RNF145: variants seen among roughly 807,000 people sequenced by gnomAD.
RNF145 encodes ring finger protein 145.
A neutral mutation model predicts 57.3 loss-of-function variants in RNF145; 12 were observed. That is an observed-to-expected ratio of 0.21 (90% CI 0.13 to 0.34). The LOEUF (loss-of-function observed/expected upper bound fraction) is 0.34. Among genes scored for constraint, RNF145 ranks in the 10% least tolerant of loss-of-function variants. RNF145 has a pLI of 1.00. For synonymous variants in RNF145, 262 were observed against 288.3 expected (o/e 0.91, Z 0.92); for missense variants, 429 against 799.0 (o/e 0.54, Z 5.58).
In RNF145 at chr5:159,203,649, G is replaced by A. The variant is rs201276282; in HGVS notation, c.-32C>T. 7.7e-5 allele frequency: 122 copies of A among 1,578,628 alleles called. No homozygotes were observed. The East Asian group carries it at 2.6e-3, about 34-fold the overall frequency. On this transcript the variant is annotated 5_prime_UTR_variant, in exon 2 of 11. Coordinates refer to ENST00000424310, the MANE Select transcript of RNF145 (RefSeq NM_001199383.2). ...TTTTTTTTTCTTTTTTTTTTTCTTGGAGAAGACCTAAAATTCAGAAGACAC... is the reference window on the plus strand; with the variant it reads ...TTTTTTTTTCTTTTTTTTTTTCTTGAAGAAGACCTAAAATTCAGAAGACAC...
intron 3 of RNF145, among the ~76,000 whole-genome samples, chr5:159,186,107 C>T (rs1316073873): frequency 6.6e-6 from 1 of 152,102 alleles, no homozygotes; most frequent in African/African-American, 2.4e-5. Flanking sequence ...TGCCTATAGT[C>T]CCGGCTACTT....
chr5:159,190,206 T>C (rs1355732541), intron 3 of RNF145, among the ~76,000 whole-genome samples: 1 of 152,090 alleles, frequency 6.6e-6, no homozygotes, highest in African/African-American at 2.4e-5. Context: ...CACACCCAGT[T>C]AATTTTTTGT....
chr5:159,157,550 G>A lies in RNF145; in HGVS notation c.*1120C>T, dbSNP rs1432756550. 1 of 152,670 alleles carries A rather than the reference G, an allele frequency of 6.6e-6. No individual in the cohort carries two copies. Among genetic ancestry groups the A allele is most frequent in the Non-Finnish European group, 1.5e-5 (1 of 68,018 alleles). The allele number at this position is 152,670 out of a possible 1,614,324, so 9.5% of individuals were successfully genotyped here. ...AAACACTTTTTGAGCCAAGCCTATT[G>A]TATAAATAAATGACTAGTTTCTTTT... On this transcript the variant is annotated 3_prime_UTR_variant, in exon 11 of 11. Transcript: ENST00000424310.
At chr5:159,170,681 A>G (rs1265489244) in intron 6 of RNF145, among the ~76,000 whole-genome samples, 2 of 152,142 alleles carry the variant, frequency 1.3e-5, no homozygotes, top group African/African-American at 2.4e-5. Context: ...TGCAGCCTTG[A>G]ACTTCAGGGC....
chr5:159,169,255 CAT>C (rs1460727211), intron 7 of RNF145, among the ~76,000 whole-genome samples, 200 bp from the exon 8 acceptor site: 1 of 152,116 alleles, frequency 6.6e-6, no homozygotes, highest in Non-Finnish European at 1.5e-5. Context: ...TGTGCAAAGG[CAT>C]AATAGCTATT....
Position 159,174,093 on chromosome 5 carries a change from A to T in RNF145, c.687T>A (p.Val229=). Residue 229 remains valine (V), a synonymous_variant, in exon 6 of 11, where the codon GTT becomes GTA. Transcript: ENST00000424310. The part of the protein sequence containing the change: ...MSLWNQLVVP[V]LFMVFWLVLF... ...AGACGAGCCAGAAAACCATGAAAAGAACAGGGACTACCAGTTGATTCCACA... is the reference window on the plus strand; with the variant it reads ...AGACGAGCCAGAAAACCATGAAAAGTACAGGGACTACCAGTTGATTCCACA... 1 of 1,613,804 alleles carries T rather than the reference A, an allele frequency of 6.2e-7. No homozygotes were observed. The highest frequency in any genetic ancestry group is 1.1e-5 in the South Asian group (1 of 91,058).
At chr5:159,207,760 C>A in intron 1 of RNF145, 1 of 1,614,186 alleles carries the variant, frequency 6.2e-7, no homozygotes. Context: ...TGTACCTGAT[C>A]TCCACATAAA....
intron 3 of RNF145, among the ~76,000 whole-genome samples, chr5:159,193,857 A>G (rs1462464517): frequency 6.6e-6 from 1 of 152,230 alleles, no homozygotes; most frequent in East Asian, 1.9e-4. Flanking sequence ...CTCCTCTTAG[A>G]ATTGGGAATA....
At chr5:159,183,465 T>C (rs1029329159) in intron 3 of RNF145, among the ~76,000 whole-genome samples, 15 of 152,256 alleles carry the variant, frequency 9.9e-5, no homozygotes, top group South Asian at 2.1e-4. Flanking sequence ...CTGTGCAATA[T>C]TGAGTAACCC....
intron 3 of RNF145, among the ~76,000 whole-genome samples, chr5:159,190,942 A>G (rs1312920511): frequency 5.9e-5 from 9 of 152,138 alleles, no homozygotes; most frequent in Non-Finnish European, 1.2e-4. Context: ...CTTGAAATTC[A>G]TTCATTTTAT....
Position 159,174,030 on chromosome 5 carries a change from T to C in RNF145, c.750A>G (p.Arg250=). The C allele has an allele frequency of 6.2e-7, 1 of 1,613,556 alleles. No individual in the cohort carries two copies. Among genetic ancestry groups the C allele is most frequent in the Non-Finnish European group, 8.5e-7 (1 of 1,179,678 alleles). ...GCCTCTCACGTGATGCAGGCTGATC[T>C]CGAGTACTGAAATAGGAGTAAATCT... ...ALQIYSYFST[R]DQPASRERLL... The change falls in exon 6 of 11, where the codon CGA becomes CGG. Residue 250 remains arginine, a synonymous_variant. Coordinates refer to ENST00000424310, the MANE Select transcript of RNF145 (RefSeq NM_001199383.2).
chr5:159,177,065 T>C (rs975670531), intron 4 of RNF145, among the ~76,000 whole-genome samples, 198 bp from the exon 5 acceptor site: 5 of 152,108 alleles, frequency 3.3e-5, no homozygotes, highest in Non-Finnish European at 5.9e-5. Context: ...GAATTTTGAA[T>C]ACTAATTCTG....
At chr5:159,197,766 G>A (rs1344029415) in intron 2 of RNF145, among the ~76,000 whole-genome samples, 1 of 152,166 alleles carries the variant, frequency 6.6e-6, no homozygotes, top group Non-Finnish European at 1.5e-5. Context: ...ACAGTAATTT[G>A]TAATTAAAAA....
At chr5:159,208,876 G>A (rs1345051462) in intron 1 of RNF145, among the ~76,000 whole-genome samples, 8 of 151,690 alleles carry the variant, frequency 5.3e-5, no homozygotes, top group African/African-American at 9.7e-5. Context: ...AGGAATGTAA[G>A]GGAGCGCTCC....
At chr5:159,180,424 G>A (rs1307515013) in intron 4 of RNF145, among the ~76,000 whole-genome samples, 5 of 151,950 alleles carry the variant, frequency 3.3e-5, no homozygotes, top group Non-Finnish European at 7.4e-5. Flanking sequence ...ATCCTACACA[G>A]ACTTTCGGGG....
Position 159,168,967 on chromosome 5 carries a change from T to G in RNF145, c.1027A>C (p.Ser343Arg). The G allele has an allele frequency of 6.2e-7, 1 of 1,610,310 alleles. No homozygotes were observed. Among genetic ancestry groups the G allele is most frequent in the Non-Finnish European group, 8.5e-7 (1 of 1,179,042 alleles). ...LQVVHRAFLL[S>R]IILFIVVASI... ...GCTACGACAATGAAAAGGATAATAC[T>G]GAGCAAGAATGCCCGATGAACAACC... is the stretch of plus-strand genomic sequence containing the variant. Residue 343 changes from serine (S) to arginine (R), a missense_variant, in exon 8 of 11, where the codon AGT becomes CGT. This residue lies in a region of RNF145 where 216 missense variants were observed against 457.6 expected (regional missense o/e 0.47). Transcript: ENST00000424310.
chr5:159,161,551 C>G lies in RNF145; in HGVS notation c.1341G>C (p.Met447Ile). The change falls in exon 10 of 11, where the codon ATG becomes ATC. Residue 447 changes from methionine to isoleucine, a missense_variant. By Grantham distance (10) the Met-to-Ile change is conservative. Transcript: ENST00000424310. ...CATTCACATAGTAGATGACATCATC[C>G]ATGTTTTCCACTGGCTCTTTTCTGA... ...EEFRKEPVEN[M>I]DDVIYYVNGT... is the part of the protein sequence containing the mutation. The G allele has an allele frequency of 6.2e-7, 1 of 1,613,764 alleles. No homozygotes were observed. The highest frequency in any genetic ancestry group is 1.1e-5 in the South Asian group (1 of 91,064).
At chr5:159,178,339 A>G (rs1784780409) in intron 4 of RNF145, among the ~76,000 whole-genome samples, 1 of 151,956 alleles carries the variant, frequency 6.6e-6, no homozygotes, top group South Asian at 2.1e-4. Context: ...TTGAAATGCC[A>G]CTGTAGTAAA....
intron 1 of RNF145, chr5:159,208,173 C>G: frequency 2.9e-6 from 4 of 1,382,020 alleles, no homozygotes; most frequent in Non-Finnish European, 3.7e-6. Context: ...TACAGTAACC[C>G]CAACCCAGCT....
Sources: gnomAD v4.1 joint callset for allele counts (sites outside exome capture counted in the v4.1 genomes callset) on GRCh38, gnomAD v4.1.1 for gene constraint, gnomAD v4.1.1 regional missense constraint, MANE v1.5 for transcripts, NCBI Gene and HGNC (gene_info 2026-07-23, HGNC 2026-07-21) for gene names.